N4BP2: variants seen among roughly 807,000 people sequenced by gnomAD.
The protein encoded by N4BP2 is NEDD4-binding protein 2.
A neutral mutation model predicts 152.8 loss-of-function variants in N4BP2; 91 were observed. That is an observed-to-expected ratio of 0.60 (90% confidence interval 0.50 to 0.71). The LOEUF is 0.71. Ranked by LOEUF, N4BP2 falls within the 30% of genes least tolerant of loss-of-function variation. The pLI, the probability that N4BP2 is intolerant of heterozygous loss-of-function variation, is 0.00. For synonymous variants in N4BP2, 646 were observed against 705.3 expected (o/e 0.92, Z 1.33); for missense variants, 1,923 against 2,059.1 (o/e 0.93, Z 1.28).
intron 7 of N4BP2, among the ~76,000 whole-genome samples, chr4:40,113,849 C>T (rs1013319233): frequency 6.6e-6 from 1 of 152,154 alleles, no homozygotes; most frequent in African/African-American, 2.4e-5. Flanking sequence ...GCCTCTGCCT[C>T]CCAAAGTGCT....
In N4BP2 at chr4:40,095,825, C is replaced by T. The variant is rs575941799; in HGVS notation, c.-114-1402C>T. On this transcript the variant is annotated intron_variant, in intron 2 of 17. Coordinates refer to ENST00000261435, the MANE Select transcript of N4BP2 (RefSeq NM_018177.6). ...TATATCAAGGGCTAGCAGAGAGATA[C>T]GTCATTGTAAGAACTTTAGTTTTTT... 8.5e-5 allele frequency among the ~76,000 whole-genome samples: 13 copies of T among 152,190 alleles called. No individual in the cohort carries two copies. In the East Asian group the frequency reaches 2.1e-3, roughly 25 times the overall value.
the N4BP2 span, among the ~76,000 whole-genome samples, chr4:40,181,168 T>C: frequency 2.0e-5 from 3 of 151,880 alleles, no homozygotes; most frequent in African/African-American, 7.3e-5. Flanking sequence ...AAAAAATATA[T>C]ATACATTGGC....
At chr4:40,142,138 G>A (rs530725627) in intron 14 of N4BP2, 1 of 163,416 alleles carries the variant, frequency 6.1e-6, no homozygotes, top group Non-Finnish European at 1.3e-5. Context: ...GAGAGGGGGA[G>A]GGGGAGGGAG....
chr4:40,147,988 G>A (rs1467726482), intron 16 of N4BP2, among the ~76,000 whole-genome samples: 7 of 151,782 alleles, frequency 4.6e-5, no homozygotes, highest in Admixed American at 2.0e-4. Flanking sequence ...GGGAAGAGGC[G>A]CTCCTCACTT....
downstream of N4BP2, among the ~76,000 whole-genome samples, chr4:40,160,954 A>G (rs1014681874): frequency 6.6e-6 from 1 of 152,300 alleles, no homozygotes; most frequent in South Asian, 2.1e-4. Context: ...CTTTATCCTC[A>G]GTGGGGATGG....
intron 1 of N4BP2, among the ~76,000 whole-genome samples, chr4:40,062,494 A>G (rs1038402416): frequency 1.3e-5 from 2 of 151,900 alleles, no homozygotes; most frequent in African/African-American, 2.4e-5. Flanking sequence ...TAATCTGTCT[A>G]ACACATTACT....
intron 2 of N4BP2, among the ~76,000 whole-genome samples, chr4:40,077,721 T>A (rs922545356): frequency 1.3e-5 from 2 of 152,202 alleles, no homozygotes; most frequent in African/African-American, 2.4e-5. Context: ...CCCAAAGTGC[T>A]AGGATTATAG....
chr4:40,117,411 C>T (rs1022646021), intron 7 of N4BP2, among the ~76,000 whole-genome samples: 1 of 152,166 alleles, frequency 6.6e-6, no homozygotes, highest in Non-Finnish European at 1.5e-5. Flanking sequence ...AGGAAAGTTG[C>T]AATTGAGATG....
chr4:40,147,895 G>A (rs1354568371), intron 16 of N4BP2, among the ~76,000 whole-genome samples: 4 of 151,942 alleles, frequency 2.6e-5, no homozygotes, highest in African/African-American at 9.7e-5. Context: ...CAGACGGGGC[G>A]GCGGGGCAGA....
At chr4:40,114,736 CTT>C (rs1328146848) in intron 7 of N4BP2, among the ~76,000 whole-genome samples, 11 of 152,116 alleles carry the variant, frequency 7.2e-5, no homozygotes, top group Non-Finnish European at 1.0e-4. Context: ...AGTATCTCCT[CTT>C]TTCTTCTTTT....
intron 2 of N4BP2, among the ~76,000 whole-genome samples, chr4:40,083,528 C>T (rs1578981423): frequency 6.6e-6 from 1 of 152,138 alleles, no homozygotes; most frequent in African/African-American, 2.4e-5. Context: ...ATACAGGCTA[C>T]AACATGGATG....
At position 40,102,150 on chromosome 4, in the gene N4BP2, T is replaced by C. The variant is rs1171429185; in HGVS notation, c.305T>C (p.Phe102Ser). 3 of 1,613,492 alleles carry C rather than the reference T, an allele frequency of 1.9e-6. No individual in the cohort carries two copies. Among genetic ancestry groups the C allele is most frequent in the Admixed American group, 3.3e-5 (2 of 59,934 alleles). ...ATAGAAGAATCATCTTCACAAAGTT[T>C]CGTTGCTTCTGAGAACCAAGTAGGT... ...TKIEESSSQS[F>S]VASENQVGAA... is the part of the protein sequence containing the mutation. The change falls in exon 4 of 18, where the codon TTC becomes TCC. Residue 102 changes from phenylalanine to serine, a missense_variant. Coordinates refer to ENST00000261435, the MANE Select transcript of N4BP2 (RefSeq NM_018177.6).
intron 1 of N4BP2, among the ~76,000 whole-genome samples, chr4:40,064,487 C>T (rs1189219638): frequency 6.6e-6 from 1 of 152,072 alleles, no homozygotes; most frequent in African/African-American, 2.4e-5. Flanking sequence ...GTTGGTCAGG[C>T]TGGTCTCAAA....
intron 16 of N4BP2, among the ~76,000 whole-genome samples, chr4:40,152,371 G>A (rs899883649): frequency 6.6e-6 from 1 of 152,150 alleles, no homozygotes; most frequent in African/African-American, 2.4e-5. Context: ...AATTAACAGG[G>A]TTGTTGTGAA....
At chr4:40,057,750 C>T (rs1035956278) in intron 1 of N4BP2, among the ~76,000 whole-genome samples, 1 of 151,578 alleles carries the variant, frequency 6.6e-6, no homozygotes, top group Non-Finnish European at 1.5e-5. Flanking sequence ...CAGTTTATCT[C>T]TCATGCGCTT....
At chr4:40,146,549 A>C (rs1030632762) in intron 16 of N4BP2, among the ~76,000 whole-genome samples, 2 of 152,212 alleles carry the variant, frequency 1.3e-5, no homozygotes, top group Non-Finnish European at 2.9e-5. Context: ...TTGACAAATA[A>C]GATTGTTTAT....
chr4:40,083,560 G>T (rs888184997), intron 2 of N4BP2, among the ~76,000 whole-genome samples: 4 of 152,162 alleles, frequency 2.6e-5, no homozygotes, highest in African/African-American at 9.6e-5. Flanking sequence ...CATGCCAAGC[G>T]AAAGGAGCCA....
chr4:40,162,088 C>T (rs113964478), downstream of N4BP2, among the ~76,000 whole-genome samples: 9 of 152,228 alleles, frequency 5.9e-5, no homozygotes, highest in African/African-American at 2.2e-4. Flanking sequence ...CTTATGCCTC[C>T]GAAATCTCAC....
In N4BP2 at chr4:40,153,003, G is replaced by A. The variant is rs917691591; in HGVS notation, c.5267+100G>A. The A allele has an allele frequency of 1.6e-5, 18 of 1,121,892 alleles. No individual in the cohort carries two copies. The Middle Eastern group carries it at 9.0e-4, about 56-fold the overall frequency. The allele number at this position is 1,121,892 out of a possible 1,614,324, so 69.5% of individuals were successfully genotyped here. The stretch of plus-strand genomic sequence containing the variant: ...ATTTCTGTTATTGATAATAGCAATA[G>A]CCCTAATATAGCTAGGTAAATAAAC... On this transcript the variant is annotated intron_variant, in intron 17 of 17. Transcript: ENST00000261435.
Sources: allele counts gnomAD v4.1 joint callset (sites outside exome capture counted in the v4.1 genomes callset), GRCh38; gene constraint gnomAD v4.1.1; transcripts MANE v1.5; gene names NCBI Gene and HGNC (gene_info 2026-07-23, HGNC 2026-07-21).